NFATC1: variants seen among roughly 807,000 people sequenced by gnomAD.
NFATC1 encodes the protein nuclear factor of activated T cells 1, also known as nuclear factor of activated T-cells, cytoplasmic 1.
A neutral mutation model predicts 76.0 loss-of-function variants in NFATC1; 22 were observed. The observed-to-expected ratio is 0.29, with a 90% CI of 0.21 to 0.41. NFATC1 has a LOEUF of 0.41. NFATC1 is among the 10% of genes least tolerant of loss of function. The pLI is 1.00. For synonymous variants in NFATC1, 704 were observed against 613.1 expected, an observed-to-expected ratio of 1.15 and a Z score of -2.19; for missense variants, 1,357 against 1,337.7, an observed-to-expected ratio of 1.01 and a Z score of -0.23.
chr18:79,458,322 A>G (rs2087853150), intron 6 of NFATC1, among the ~76,000 whole-genome samples: 1 of 108,158 alleles, frequency 9.2e-6, no homozygotes, highest in African/African-American at 6.1e-5. Context: ...GCAGGGCACG[A>G]GGATGCTTTG....
chr18:79,499,989 C>G (rs1162030335), intron 9 of NFATC1, among the ~76,000 whole-genome samples: 1 of 152,002 alleles, frequency 6.6e-6, no homozygotes, highest in Non-Finnish European at 1.5e-5. Context: ...CAAGAACTGA[C>G]AGAATTAAAG....
intron 5 of NFATC1, 65 bp downstream of exon 5, chr18:79,451,191 A>T: frequency 6.5e-7 from 1 of 1,535,346 alleles, no homozygotes; most frequent in Non-Finnish European, 8.8e-7. Flanking sequence ...TCACTGTCTC[A>T]CCCGCTCTCA....
At chr18:79,508,663 C>G (rs556146115) in intron 9 of NFATC1, among the ~76,000 whole-genome samples, 14 of 152,170 alleles carry the variant, frequency 9.2e-5, no homozygotes, top group African/African-American at 3.1e-4. Context: ...CTCAGTCTGT[C>G]TCTCTGTCTC....
chr18:79,426,499 C>T (rs188246427), intron 2 of NFATC1, among the ~76,000 whole-genome samples: 2 of 152,332 alleles, frequency 1.3e-5, no homozygotes, highest in East Asian at 1.9e-4. Flanking sequence ...CTGTGGGACC[C>T]GTGTCGGGAC....
chr18:79,487,669 C>T (rs1000838137), intron 9 of NFATC1, among the ~76,000 whole-genome samples: 1 of 152,212 alleles, frequency 6.6e-6, no homozygotes, highest in African/African-American at 2.4e-5. Flanking sequence ...CCGAAGGCGC[C>T]GTGGCGTTCT....
chr18:79,411,190 C>T lies in NFATC1; in HGVS notation c.915C>T (p.Thr305=), dbSNP rs1302312482. ...VTDDSWLGNT[T]QYTSSAIVAA... The stretch of plus-strand genomic sequence containing the variant: ...ACGACTCGTGGTTGGGCAACACCAC[C>T]CAGTACACCAGCTCGGCCATCGTGG... The change falls in exon 2 of 10, where the codon ACC becomes ACT. Residue 305 remains threonine, a synonymous_variant. Coordinates refer to ENST00000427363, the MANE Select transcript of NFATC1 (RefSeq NM_001278669.2). The T allele has an allele frequency of 6.2e-7, 1 of 1,611,216 alleles. No homozygotes were observed. The highest frequency in any genetic ancestry group is 8.5e-7 in the Non-Finnish European group (1 of 1,179,874).
At chr18:79,449,565 A>G (rs1475787093) in intron 4 of NFATC1, among the ~76,000 whole-genome samples, 2 of 152,192 alleles carry the variant, frequency 1.3e-5, no homozygotes, top group African/African-American at 4.8e-5. Context: ...TTCCCGAGAG[A>G]TTGATGTGGT....
At chr18:79,436,863 C>T (rs993624858) in intron 3 of NFATC1, among the ~76,000 whole-genome samples, 3 of 152,052 alleles carry the variant, frequency 2.0e-5, no homozygotes, top group African/African-American at 7.3e-5. Context: ...ACTGAGCGTG[C>T]CCCCTGCCGT....
chr18:79,447,804 A>T (rs542666854), intron 3 of NFATC1, among the ~76,000 whole-genome samples: 48 of 152,388 alleles, frequency 3.1e-4, no homozygotes, highest in Non-Finnish European at 5.9e-4. Flanking sequence ...AGCGTTAAAG[A>T]TAAAAACAAA....
chr18:79,410,688 A>G lies in NFATC1; in HGVS notation c.413A>G (p.Asp138Gly). Residue 138 changes from aspartate (D) to glycine (G), a missense_variant, in exon 2 of 10, where the codon GAT (aspartate) becomes GGT (glycine). By Grantham distance (94) the Asp-to-Gly change is moderately conservative (BLOSUM62 -1). This residue lies in a region of NFATC1 where 691 missense variants were observed against 613.1 expected (regional missense o/e 1.13). Transcript: ENST00000427363. This position sits in a 1 kb window ranked among gnomAD's most constrained non-coding sequence, Gnocchi z 6.7. ...CACAACAATAACCAGTTTTTCCACGATGTGGAGGTGGAAGACGTCCTCCCT... is the reference window on the plus strand; with the variant it reads ...CACAACAATAACCAGTTTTTCCACGGTGTGGAGGTGGAAGACGTCCTCCCT... Reference protein sequence around the residue: ...LYHNNNQFFHDVEVEDVLPSS... With the variant: ...LYHNNNQFFHGVEVEDVLPSS... The G allele has an allele frequency of 1.2e-6, 2 of 1,612,978 alleles. No individual in the cohort carries two copies. Among genetic ancestry groups the G allele is most frequent in the East Asian group, 2.2e-5 (1 of 44,850 alleles).
At chr18:79,467,012 C>T (rs1051509148) in intron 7 of NFATC1, among the ~76,000 whole-genome samples, 1 of 152,236 alleles carries the variant, frequency 6.6e-6, no homozygotes, top group Non-Finnish European at 1.5e-5. Context: ...GCAACCTCCA[C>T]CCTCAGGCAC....
At chr18:79,491,942 G>A (rs113660151) in intron 9 of NFATC1, among the ~76,000 whole-genome samples, 3 of 152,298 alleles carry the variant, frequency 2.0e-5, no homozygotes, top group Non-Finnish European at 2.9e-5. Flanking sequence ...TGCTTCACAT[G>A]AACAGCTGTG....
intron 7 of NFATC1, among the ~76,000 whole-genome samples, chr18:79,463,379 G>A (rs2088228606): frequency 6.6e-6 from 1 of 151,408 alleles, no homozygotes; most frequent in African/African-American, 2.4e-5. Context: ...GAAGGGTCCT[G>A]GGAACGGCCA....
chr18:79,503,896 T>C (rs1437517515), intron 9 of NFATC1, among the ~76,000 whole-genome samples: 4 of 152,250 alleles, frequency 2.6e-5, no homozygotes, highest in African/African-American at 9.6e-5. Flanking sequence ...TTTTATGGTA[T>C]GGAGATGGCT....
At chr18:79,456,246 A>G (rs1300632413) in intron 6 of NFATC1, among the ~76,000 whole-genome samples, 3 of 152,196 alleles carry the variant, frequency 2.0e-5, no homozygotes, top group Non-Finnish European at 4.4e-5. Flanking sequence ...CTATGCCGGG[A>G]CACACACATT....
At chr18:79,464,648 T>TTCTGAGTGTG (rs1555911903) in intron 7 of NFATC1, among the ~76,000 whole-genome samples, 1 of 131,602 alleles carries the variant, frequency 7.6e-6, no homozygotes, top group Non-Finnish European at 1.6e-5. Context: ...ATATATGTGT[T>TTCTGAGTGTG]TGTGTGTGTG....
chr18:79,411,456 A>G lies in NFATC1; in HGVS notation c.1181A>G (p.Tyr394Cys), dbSNP rs1170407308. The change falls in exon 2 of 10, where the codon TAC becomes TGC. Residue 394 changes from tyrosine (Y) to cysteine (C), a missense_variant. Physicochemically the swap from Tyr to Cys is radical, Grantham distance 194. This residue lies in a region of NFATC1 where 691 missense variants were observed against 613.1 expected (regional missense o/e 1.13). Transcript: ENST00000427363. Reference protein sequence around the residue: ...DQYLAVPQHPYQWAKPKPLSP... With the variant: ...DQYLAVPQHPCQWAKPKPLSP... ...TACCTGGCGGTGCCGCAGCACCCCTACCAGTGGGCGAAGCCCAAGCCCCTG... is the reference window on the plus strand; with the variant it reads ...TACCTGGCGGTGCCGCAGCACCCCTGCCAGTGGGCGAAGCCCAAGCCCCTG... The G allele has an allele frequency of 6.6e-6, 10 of 1,505,726 alleles. No homozygotes were observed. The highest frequency in any genetic ancestry group is 1.4e-5 in the African/African-American group (1 of 71,278). 93.3% of individuals were successfully genotyped at this position (1,505,726 alleles called of 1,614,324 possible). A position where few individuals can be genotyped will look rare whatever the true frequency, so the allele number is the denominator to read the frequency against.
intron 8 of NFATC1, among the ~76,000 whole-genome samples, chr18:79,483,955 C>T (rs9748916): frequency 0.19 from 24,957 of 134,220 alleles, 3,989 homozygotes; most frequent in African/African-American, 0.44. Flanking sequence ...TGGGGTGTCA[C>T]TCCAGGGTGA....
In NFATC1 at chr18:79,410,047, G is replaced by T; in HGVS notation, c.128-356G>T. Reference sequence around the variant, plus strand: ...CCAGTCGCCTCTCTCTGGGAAGGACGTTCGGATGAAGATGGGGTGGTTGGG... The same window carrying T: ...CCAGTCGCCTCTCTCTGGGAAGGACTTTCGGATGAAGATGGGGTGGTTGGG... On this transcript the variant is annotated intron_variant, in intron 1 of 9. Coordinates refer to ENST00000427363, the MANE Select transcript of NFATC1 (RefSeq NM_001278669.2). The surrounding 1 kb of genome is among the most constrained non-coding windows in gnomAD (Gnocchi z 6.7). 3 of 614,166 alleles carry T rather than the reference G, an allele frequency of 4.9e-6. No individual in the cohort carries two copies. Among genetic ancestry groups the T allele is most frequent in the Non-Finnish European group, 6.2e-6 (2 of 321,684 alleles). The allele number at this position is 614,166 out of a possible 1,614,324, so 38.0% of individuals were successfully genotyped here.
Sources: gnomAD v4.1 joint callset for allele counts (sites outside exome capture counted in the v4.1 genomes callset) on GRCh38, gnomAD v4.1.1 for gene constraint, gnomAD v4.1.1 regional missense constraint, Gnocchi (gnomAD v3.1) non-coding constraint, MANE v1.5 for transcripts, NCBI Gene and HGNC (gene_info 2026-07-23, HGNC 2026-07-21) for gene names.